The following XRCC4 variants were observed in gnomAD, a reference collection of about 807,000 sequenced individuals.
The protein encoded by XRCC4 is DNA repair protein XRCC4.
In XRCC4, 28 loss-of-function variants were observed where a neutral mutation model predicts 39.1. The observed-to-expected ratio is 0.72, with a 90% CI of 0.53 to 0.98. The LOEUF (loss-of-function observed/expected upper bound fraction) is 0.98. Ranked by LOEUF, XRCC4 falls within the 50% of genes least tolerant of loss-of-function variation. XRCC4 has a pLI of 0.00. For synonymous variants in XRCC4, 123 were observed against 126.4 expected, an observed-to-expected ratio of 0.97 and a Z score of 0.18; for missense variants, 350 against 376.4, an observed-to-expected ratio of 0.93 and a Z score of 0.58.
At chr5:83,125,056 TG>T (rs1371263806) in intron 3 of XRCC4, among the ~76,000 whole-genome samples, 1 of 152,256 alleles carries the variant, frequency 6.6e-6, no homozygotes, top group Non-Finnish European at 1.5e-5. Context: ...TATCTTATTG[TG>T]GCTTTAATGG....
intron 3 of XRCC4, among the ~76,000 whole-genome samples, chr5:83,127,213 G>C (rs1326555700): frequency 1.3e-5 from 2 of 152,054 alleles, no homozygotes; most frequent in Non-Finnish European, 2.9e-5. Context: ...GAATACTATG[G>C]TCTGAATATG....
chr5:83,252,893 T>C (rs1753380861), intron 6 of XRCC4, among the ~76,000 whole-genome samples: 1 of 152,186 alleles, frequency 6.6e-6, no homozygotes, highest in Non-Finnish European at 1.5e-5. Context: ...CCGAGTAATA[T>C]GTTAGGGTTT....
chr5:83,233,382 T>G (rs1752566573), intron 6 of XRCC4, among the ~76,000 whole-genome samples: 2 of 152,162 alleles, frequency 1.3e-5, no homozygotes, highest in African/African-American at 4.8e-5. Flanking sequence ...AGCTTTTCTA[T>G]TCTTCCTCAT....
intron 3 of XRCC4, among the ~76,000 whole-genome samples, chr5:83,136,270 C>T (rs1421771268): frequency 6.6e-6 from 1 of 152,168 alleles, no homozygotes; most frequent in Non-Finnish European, 1.5e-5. Flanking sequence ...ATCACCAATT[C>T]TGACGACCCA....
At chr5:83,347,297 T>G (rs925806891) in intron 7 of XRCC4, among the ~76,000 whole-genome samples, 1 of 152,200 alleles carries the variant, frequency 6.6e-6, no homozygotes, top group African/African-American at 2.4e-5. Flanking sequence ...TGTATTCGTC[T>G]TTTTTCACAC....
At chr5:83,272,424 T>C (rs1754174434) in intron 7 of XRCC4, among the ~76,000 whole-genome samples, 1 of 152,174 alleles carries the variant, frequency 6.6e-6, no homozygotes, top group Admixed American at 6.6e-5. Flanking sequence ...TTATGTATTA[T>C]ACTTTAAGTT....
chr5:83,235,493 C>A (rs1047193663), intron 6 of XRCC4, among the ~76,000 whole-genome samples: 1 of 151,814 alleles, frequency 6.6e-6, no homozygotes, highest in Non-Finnish European at 1.5e-5. Flanking sequence ...GCCAAAAAAG[C>A]ATTTAATAAA....
intron 6 of XRCC4, among the ~76,000 whole-genome samples, chr5:83,238,667 GTATT>G (rs1372471572): frequency 6.6e-6 from 1 of 152,072 alleles, no homozygotes; most frequent in Non-Finnish European, 1.5e-5. Flanking sequence ...ATGGAGAACT[GTATT>G]TATATGAGAT....
intron 3 of XRCC4, among the ~76,000 whole-genome samples, chr5:83,134,144 G>A (rs1402440686): frequency 2.0e-5 from 3 of 152,146 alleles, no homozygotes; most frequent in Non-Finnish European, 2.9e-5. Context: ...GCAGGTCTCC[G>A]TCTCTTTCTC....
chr5:83,352,345 T>C (rs1757106906), intron 7 of XRCC4, among the ~76,000 whole-genome samples: 1 of 152,194 alleles, frequency 6.6e-6, no homozygotes, highest in Admixed American at 6.5e-5. Context: ...TTATTAAGGT[T>C]CCATAGAGAA....
chr5:83,339,514 A>C (rs1212875269), intron 7 of XRCC4, among the ~76,000 whole-genome samples: 1 of 152,046 alleles, frequency 6.6e-6, no homozygotes, highest in East Asian at 1.9e-4. Context: ...CATTAGGAGA[A>C]ACACCTAATG....
At chr5:83,224,558 T>C (rs935873081) in intron 6 of XRCC4, among the ~76,000 whole-genome samples, 11 of 152,206 alleles carry the variant, frequency 7.2e-5, no homozygotes, top group African/African-American at 2.2e-4. Flanking sequence ...AGCGGCACTA[T>C]AGCATTAGAG....
chr5:83,282,698 C>T (rs940336186), intron 7 of XRCC4, among the ~76,000 whole-genome samples: 1 of 151,944 alleles, frequency 6.6e-6, no homozygotes, highest in Non-Finnish European at 1.5e-5. Context: ...AAAAATTAGC[C>T]AGGCATGGTG....
intron 3 of XRCC4, among the ~76,000 whole-genome samples, chr5:83,193,654 T>C (rs1580353200): frequency 6.6e-6 from 1 of 152,334 alleles, no homozygotes; most frequent in East Asian, 1.9e-4. Context: ...ACTGATTATT[T>C]TATTTCAGGA....
chr5:83,261,913 G>A (rs1487482871), intron 7 of XRCC4, among the ~76,000 whole-genome samples: 3 of 151,984 alleles, frequency 2.0e-5, no homozygotes, highest in Non-Finnish European at 2.9e-5. Flanking sequence ...ATTTTACAAT[G>A]TAACATATTA....
At chr5:83,299,543 T>TCTCA (rs1755205199) in intron 7 of XRCC4, among the ~76,000 whole-genome samples, 1 of 152,124 alleles carries the variant, frequency 6.6e-6, no homozygotes, top group African/African-American at 2.4e-5. Context: ...TGTTATATCT[T>TCTCA]CTCACTCTGT....
chr5:83,222,601 G>A (rs28360183), intron 6 of XRCC4, among the ~76,000 whole-genome samples: 2 of 152,012 alleles, frequency 1.3e-5, no homozygotes, highest in African/African-American at 4.8e-5. Flanking sequence ...CCAAATTCAG[G>A]AACATGTTGT....
At chr5:83,295,666 C>T (rs891857824) in intron 7 of XRCC4, among the ~76,000 whole-genome samples, 1 of 151,924 alleles carries the variant, frequency 6.6e-6, no homozygotes. Flanking sequence ...TGGGAAGAAA[C>T]TGGCCATGTT....
intron 3 of XRCC4, among the ~76,000 whole-genome samples, chr5:83,180,399 T>C (rs1750152490): frequency 6.6e-6 from 1 of 152,120 alleles, no homozygotes; most frequent in Non-Finnish European, 1.5e-5. Flanking sequence ...ATATATGAAA[T>C]GACAAGGCTG....
Sources: allele counts gnomAD v4.1 joint callset (sites outside exome capture counted in the v4.1 genomes callset), GRCh38; gene constraint gnomAD v4.1.1; transcripts MANE v1.5; gene names NCBI Gene and HGNC (gene_info 2026-07-23, HGNC 2026-07-21).